Variants in HTT observed in about 807,000 individuals in gnomAD.
HTT encodes huntingtin, also known as huntington disease protein.
HTT carries 104 observed loss-of-function variants against 362.3 expected under a neutral mutation model. The observed-to-expected ratio is 0.29, with a 90% CI of 0.24 to 0.34. The LOEUF is 0.34. Among genes scored for constraint, HTT ranks in the 10% least tolerant of loss-of-function variants. HTT has a pLI of 1.00. For synonymous variants in HTT, 1,577 were observed against 1,548.7 expected (o/e 1.02, Z -0.43); for missense variants, 3,301 against 3,928.6 (o/e 0.84, Z 4.27).
chr4:3,085,029 AT>A (rs1220561599), intron 1 of HTT, among the ~76,000 whole-genome samples: 6 of 151,562 alleles, frequency 4.0e-5, no homozygotes, highest in African/African-American at 1.5e-4. Flanking sequence ...AAAAAAAAAA[AT>A]AAATAAATAG....
chr4:3,172,859 A>G lies in HTT; in HGVS notation c.3943-49A>G, dbSNP rs376888292. 2.0e-5 allele frequency: 25 copies of G among 1,258,054 alleles called. No homozygotes were observed. In the African/African-American group the frequency reaches 3.2e-4, roughly 16 times the overall value. 77.9% of individuals were successfully genotyped at this position (1,258,054 alleles called of 1,614,324 possible). On this transcript the variant is annotated intron_variant, in intron 30 of 66. Coordinates refer to ENST00000355072, the MANE Select transcript of HTT (RefSeq NM_001388492.1). Reference sequence around the variant, plus strand: ...TTGATATTTGTGTGGGAGATTCTTAAAAGTGTTGTTCACGCCACATTGTTG... The same window carrying G: ...TTGATATTTGTGTGGGAGATTCTTAGAAGTGTTGTTCACGCCACATTGTTG...
chr4:3,208,695 A>G lies in HTT; in HGVS notation c.6153-78A>G, dbSNP rs1391517857. On this transcript the variant is annotated intron_variant, in intron 45 of 66. Coordinates refer to ENST00000355072, the MANE Select transcript of HTT (RefSeq NM_001388492.1). ...TTAGAGTGTATATTTCTAGAATCCT[A>G]GTGTGCAGAGTTTAGACTAAGACTA... 7 of 1,325,576 alleles carry G rather than the reference A, an allele frequency of 5.3e-6. No homozygotes were observed. In the South Asian group the frequency reaches 9.0e-5, roughly 17 times the overall value. The allele number at this position is 1,325,576 out of a possible 1,614,324, so 82.1% of individuals were successfully genotyped here. A position where few individuals can be genotyped will look rare whatever the true frequency, so the allele number is the denominator to read the frequency against.
chr4:3,225,472 A>G (rs921240263), intron 56 of HTT, among the ~76,000 whole-genome samples, 189 bp from the exon 57 acceptor site: 57 of 152,352 alleles, frequency 3.7e-4, no homozygotes, highest in Non-Finnish European at 7.9e-4. Flanking sequence ...TGCCAGCTTA[A>G]CTGGTTATAA....
In HTT at chr4:3,243,466, C is replaced by T. The variant is rs946763950; in HGVS notation, c.*3407C>T. 6.6e-6 allele frequency: 1 copy of T among 152,480 alleles called. No homozygotes were observed. Among genetic ancestry groups the T allele is most frequent in the East Asian group, 1.9e-4 (1 of 5,190 alleles). 9.4% of individuals were successfully genotyped at this position (152,480 alleles called of 1,614,324 possible). On this transcript the variant is annotated 3_prime_UTR_variant, in exon 67 of 67. Transcript: ENST00000355072. ...CTTGGAGAGCTCAGGATGGCTCAGA[C>T]GAGGACACTCGCTTGCCGGGCCTGG...
intron 49 of HTT, among the ~76,000 whole-genome samples, chr4:3,213,255 A>C (rs980381235): frequency 2.0e-5 from 3 of 152,214 alleles, no homozygotes; most frequent in African/African-American, 7.2e-5. Context: ...TACTCACAAA[A>C]TGATAAATAC....
chr4:3,085,635 G>A (rs1030173641), intron 1 of HTT, among the ~76,000 whole-genome samples: 4 of 152,174 alleles, frequency 2.6e-5, no homozygotes, highest in African/African-American at 9.7e-5. Context: ...TTCCATGGGG[G>A]AAGGAATTAG....
chr4:3,217,638 G>A, intron 51 of HTT, 127 bp from the exon 52 acceptor site: 3 of 749,848 alleles, frequency 4.0e-6, no homozygotes, highest in South Asian at 3.6e-5. Context: ...GGCCTTCAGT[G>A]GCCAACTCAG....
At position 3,132,597 on chromosome 4, in the gene HTT, G is replaced by C; in HGVS notation, c.2272G>C (p.Asp758His). The C allele has an allele frequency of 5.0e-6, 8 of 1,613,940 alleles. 1 individual carries two copies. Among genetic ancestry groups the C allele is most frequent in the South Asian group, 1.1e-5 (1 of 91,060 alleles). The change falls in exon 17 of 67, where the codon GAT (aspartate) becomes CAT (histidine). Residue 758 changes from aspartate (D) to histidine (H), a missense_variant. Asp to His is a moderately conservative substitution (Grantham distance 81). Coordinates refer to ENST00000355072, the MANE Select transcript of HTT (RefSeq NM_001388492.1). ...TGTCTCAGACATCTTGAACTACATC[G>C]ATCATGGAGACCCACAGGTTCGAGG... is the stretch of plus-strand genomic sequence containing the variant. ...QYVSDILNYI[D>H]HGDPQVRGAT...
chr4:3,149,623 C>T (rs1279687172), intron 26 of HTT, among the ~76,000 whole-genome samples: 1 of 152,054 alleles, frequency 6.6e-6, no homozygotes, highest in Non-Finnish European at 1.5e-5. Context: ...TAGACCAGTT[C>T]ACTTACTGTT....
chr4:3,079,350 G>A (rs1306624794), intron 1 of HTT, among the ~76,000 whole-genome samples: 1 of 149,120 alleles, frequency 6.7e-6, no homozygotes, highest in African/African-American at 2.5e-5. Flanking sequence ...TTGAACTCCT[G>A]GGCTCAAGTG....
Position 3,222,373 on chromosome 4 carries a change from A to G in HTT, c.7370-14A>G. ...AAGGGTTGACACTCTCTCATGTAACATTTATATTTCTAGGCTGGACCAGTC... is the reference window on the plus strand; with the variant it reads ...AAGGGTTGACACTCTCTCATGTAACGTTTATATTTCTAGGCTGGACCAGTC... On this transcript the variant is annotated splice_polypyrimidine_tract_variant and intron_variant, in intron 53 of 66. Coordinates refer to ENST00000355072, the MANE Select transcript of HTT (RefSeq NM_001388492.1). The G allele has an allele frequency of 6.2e-7, 1 of 1,609,962 alleles. No homozygotes were observed. Among genetic ancestry groups the G allele is most frequent in the Non-Finnish European group, 8.5e-7 (1 of 1,176,284 alleles).
chr4:3,136,134 T>G (rs1716054601), intron 20 of HTT, 92 bp from the exon 21 acceptor site: 1 of 962,082 alleles, frequency 1.0e-6, no homozygotes, highest in African/African-American at 1.6e-5. Flanking sequence ...CTAGTAATGT[T>G]GAGTTCTTTC....
chr4:3,118,342 G>A (rs1277910056), intron 8 of HTT, among the ~76,000 whole-genome samples: 1 of 152,198 alleles, frequency 6.6e-6, no homozygotes, highest in South Asian at 2.1e-4. Context: ...AGAGATCATT[G>A]GTCTGATGGG....
In HTT at chr4:3,207,116, A is replaced by G. The variant is rs10012187; in HGVS notation, c.6075+133A>G. On this transcript the variant is annotated intron_variant, in intron 44 of 66. Transcript: ENST00000355072. Reference sequence around the variant, plus strand: ...CGATAGAAACATGGAAACATCTGCAAACTTGCCGTTACTCGTGTGTCCGAT... The same window carrying G: ...CGATAGAAACATGGAAACATCTGCAGACTTGCCGTTACTCGTGTGTCCGAT... The G allele has an allele frequency of 5.7e-3, 6,283 of 1,099,898 alleles. 28 individuals carry two copies. The highest frequency in any genetic ancestry group is 7.6e-3 in the Non-Finnish European group (5,820 of 761,294). The allele number at this position is 1,099,898 out of a possible 1,614,324, so 68.1% of individuals were successfully genotyped here.
intron 60 of HTT, among the ~76,000 whole-genome samples, chr4:3,230,804 A>G (rs969264549): frequency 1.3e-5 from 2 of 152,102 alleles, no homozygotes; most frequent in African/African-American, 4.8e-5. Flanking sequence ...GGGCTCTCCC[A>G]TCATGACCTC....
intron 5 of HTT, among the ~76,000 whole-genome samples, 185 bp from the exon 6 acceptor site, chr4:3,107,100 A>G (rs963799380): frequency 1.3e-5 from 2 of 152,248 alleles, no homozygotes; most frequent in African/African-American, 4.8e-5. Flanking sequence ...AAGAGAAATG[A>G]AGGATGTCTC....
At chr4:3,215,279 C>T (rs896481972) in intron 51 of HTT, 68 bp downstream of exon 51, 18 of 1,190,190 alleles carry the variant, frequency 1.5e-5, no homozygotes, top group East Asian at 9.5e-5. Context: ...TTCACAGAGA[C>T]GTGCACCGCG....
rs377344525 is a variant in HTT, at chr4:3,221,338, A to G, written c.7369+1030A>G. ...CCTCTTCCTGGCTGTGAGGATCGGTATCAGTGGCCTCCTGCTCTCTCCCCC... is the reference window on the plus strand; with the variant it reads ...CCTCTTCCTGGCTGTGAGGATCGGTGTCAGTGGCCTCCTGCTCTCTCCCCC... On this transcript the variant is annotated intron_variant, in intron 53 of 66. Coordinates refer to ENST00000355072, the MANE Select transcript of HTT (RefSeq NM_001388492.1). 2.5e-3 allele frequency among the ~76,000 whole-genome samples: 384 copies of G among 152,242 alleles called. 2 individuals carry two copies. Among genetic ancestry groups the G allele is most frequent in the African/African-American group, 8.7e-3 (363 of 41,546 alleles).
chr4:3,080,087 C>T (rs1712807753), intron 1 of HTT, among the ~76,000 whole-genome samples: 1 of 151,984 alleles, frequency 6.6e-6, no homozygotes, highest in Admixed American at 6.6e-5. Context: ...TTAAGGAACC[C>T]AGGCTCTTTC....
Sources: allele counts gnomAD v4.1 joint callset (sites outside exome capture counted in the v4.1 genomes callset), GRCh38; gene constraint gnomAD v4.1.1; transcripts MANE v1.5; gene names NCBI Gene and HGNC (gene_info 2026-07-23, HGNC 2026-07-21).